Variants in ADGRG6 observed in about 807,000 individuals in gnomAD.
The protein encoded by ADGRG6 is adhesion G protein-coupled receptor G6, also known as G-protein coupled receptor 126.
Under a neutral mutation model 142.4 loss-of-function variants are expected in ADGRG6, and 84 were observed. The ratio of observed to expected loss-of-function variants is 0.59; its 90% CI spans 0.49 to 0.71. The LOEUF is 0.71. Ranked by LOEUF, ADGRG6 falls within the 30% of genes least tolerant of loss-of-function variation. The pLI, the probability that ADGRG6 is intolerant of heterozygous loss-of-function variation, is 0.00. For missense variants in ADGRG6, 1,367 were observed against 1,466.6 expected, an observed-to-expected ratio of 0.93 and a Z score of 1.11; for synonymous variants, 521 against 520.5, an observed-to-expected ratio of 1.00 and a Z score of -0.01.
intron 4 of ADGRG6, among the ~76,000 whole-genome samples, chr6:142,373,175 A>C (rs1313714961): frequency 6.6e-6 from 1 of 152,168 alleles, no homozygotes; most frequent in Admixed American, 6.5e-5. Context: ...TGGAGCTTGG[A>C]AAGTTTGGTA....
At chr6:142,414,895 A>C in intron 18 of ADGRG6, 74 bp from the exon 19 acceptor site, 2 of 1,341,692 alleles carry the variant, frequency 1.5e-6, no homozygotes, top group Non-Finnish European at 2.0e-6. Flanking sequence ...GTTAACAGTG[A>C]ACTTTCTAGT....
chr6:142,373,843 A>C (rs1781366424), intron 4 of ADGRG6, among the ~76,000 whole-genome samples: 1 of 148,766 alleles, frequency 6.7e-6, no homozygotes, highest in Admixed American at 6.7e-5. Context: ...TGTGCCCAGC[A>C]CACATGTTTT....
intron 2 of ADGRG6, among the ~76,000 whole-genome samples, chr6:142,354,457 C>T (rs891379438): frequency 6.6e-6 from 1 of 152,150 alleles, no homozygotes; most frequent in Non-Finnish European, 1.5e-5. Context: ...TTGTCAGTTA[C>T]ACATTATTAA....
chr6:142,435,870 T>C lies in ADGRG6; in HGVS notation c.3320-1564T>C, dbSNP rs1321887288. ...GTTGCTGAGGGCCTCTCTGAGGAGT[T>C]AACAGTTGGTCTGAGACCAGAATGA... On this transcript the variant is annotated intron_variant, in intron 22 of 24. Coordinates refer to ENST00000367609, the MANE Select transcript of ADGRG6 (RefSeq NM_198569.3). 2.6e-5 allele frequency among the ~76,000 whole-genome samples: 4 copies of C among 152,324 alleles called. No individual in the cohort carries two copies. In the East Asian group the frequency reaches 7.7e-4, roughly 29 times the overall value.
At chr6:142,378,627 T>G (rs1429208703) in intron 4 of ADGRG6, among the ~76,000 whole-genome samples, 1 of 152,184 alleles carries the variant, frequency 6.6e-6, no homozygotes, top group Non-Finnish European at 1.5e-5. Context: ...TTTGCTTAAG[T>G]TTTCAATCTT....
intron 2 of ADGRG6, among the ~76,000 whole-genome samples, chr6:142,349,415 G>A (rs532627476): frequency 2.0e-5 from 3 of 152,306 alleles, no homozygotes; most frequent in African/African-American, 7.2e-5. Flanking sequence ...CCACATAGTT[G>A]CTTAGACTGG....
At chr6:142,387,589 G>A (rs538346099) in intron 6 of ADGRG6, among the ~76,000 whole-genome samples, 96 of 152,244 alleles carry the variant, frequency 6.3e-4, no homozygotes, top group Admixed American at 1.8e-3. Context: ...GTCTAGATTA[G>A]CATTTGGTTT....
chr6:142,381,774 C>CT (rs1025582588), intron 4 of ADGRG6, among the ~76,000 whole-genome samples, 177 bp from the exon 5 acceptor site: 1 of 152,124 alleles, frequency 6.6e-6, no homozygotes, highest in African/African-American at 2.4e-5. Flanking sequence ...AATATCAATA[C>CT]TTTGGTTTTA....
intron 2 of ADGRG6, among the ~76,000 whole-genome samples, chr6:142,355,993 G>A (rs1022353085): frequency 2.0e-5 from 3 of 152,320 alleles, no homozygotes; most frequent in East Asian, 1.9e-4. Flanking sequence ...AAGATAGGAA[G>A]TTGAGTGAGC....
At chr6:142,437,893 T>TA (rs34175866) in intron 23 of ADGRG6, among the ~76,000 whole-genome samples, 61,071 of 140,354 alleles carry the variant, frequency 0.44, 15,529 homozygotes, top group African/African-American at 0.74. Context: ...TTCTCAGTAT[T>TA]AAAAAAAAAA....
Position 142,370,209 on chromosome 6 carries a change from A to G in ADGRG6, c.485A>G (p.Gln162Arg). The G allele has an allele frequency of 6.2e-7, 1 of 1,606,350 alleles. No homozygotes were observed. Among genetic ancestry groups the G allele is most frequent in the South Asian group, 1.1e-5 (1 of 90,848 alleles). ...AGGAATCAAAAGGTCATTTTACCCC[A>G]GACATCAGATGCTTACCAGGTATCT... ...SLRNQKVILP[Q>R]TSDAYQVSVA... is the part of the protein sequence containing the mutation. Residue 162 changes from glutamine to arginine, a missense_variant, in exon 4 of 25, where the codon CAG (glutamine) becomes CGG (arginine). Gln to Arg is a conservative substitution (Grantham distance 43, BLOSUM62 1). Transcript: ENST00000367609.
At chr6:142,392,821 T>G in intron 7 of ADGRG6, 127 bp from the exon 8 acceptor site, 1 of 649,390 alleles carries the variant, frequency 1.5e-6, no homozygotes, top group East Asian at 2.7e-5. Context: ...AACTGTTCAC[T>G]CCTCCAACTC....
intron 2 of ADGRG6, among the ~76,000 whole-genome samples, chr6:142,323,231 C>A (rs1253125847): frequency 2.6e-5 from 4 of 151,554 alleles, no homozygotes; most frequent in Admixed American, 1.3e-4. Context: ...AGATGGCTTG[C>A]GGGTTATACA....
chr6:142,438,434 G>T, intron 24 of ADGRG6, 70 bp downstream of exon 24: 2 of 1,050,324 alleles, frequency 1.9e-6, no homozygotes, highest in Non-Finnish European at 2.7e-6. Flanking sequence ...ATATCATGAA[G>T]ATTGATAAAT....
chr6:142,377,251 A>G (rs1229728786), intron 4 of ADGRG6, among the ~76,000 whole-genome samples: 2 of 152,234 alleles, frequency 1.3e-5, no homozygotes, highest in Admixed American at 1.3e-4. Flanking sequence ...AAACAAAACA[A>G]AAAACAACAA....
At position 142,318,180 on chromosome 6, in the gene ADGRG6, T is replaced by A. The variant is rs868631074; in HGVS notation, c.103+8536T>A. 9.2e-3 allele frequency among the ~76,000 whole-genome samples: 48 copies of A among 5,216 alleles called. 2 individuals are homozygous for A. Among genetic ancestry groups the A allele is most frequent in the South Asian group, 0.032 (8 of 248 alleles). The allele number at this position is 5,216 out of a possible 152,430, so 3.4% of individuals were successfully genotyped here. A position where few individuals can be genotyped will look rare whatever the true frequency, so the allele number is the denominator to read the frequency against. ...ATTATATATATTATATATTTATATA[T>A]TATATATTATATATTTATATTATAT... On this transcript the variant is annotated intron_variant, in intron 2 of 24. Coordinates refer to ENST00000367609, the MANE Select transcript of ADGRG6 (RefSeq NM_198569.3).
intron 18 of ADGRG6, 100 bp from the exon 19 acceptor site, chr6:142,414,869 A>G (rs1776277954): frequency 1.2e-6 from 1 of 848,020 alleles, no homozygotes; most frequent in Non-Finnish European, 1.7e-6. Flanking sequence ...AGCCCCTGAG[A>G]GTAAGCTGCT....
intron 2 of ADGRG6, among the ~76,000 whole-genome samples, chr6:142,329,283 T>C (rs745998320): frequency 1.3e-5 from 2 of 152,144 alleles, no homozygotes; most frequent in Non-Finnish European, 2.9e-5. Flanking sequence ...TTGGGAGAGT[T>C]TCTGGGGTAA....
chr6:142,318,231 A>G (rs1269875136), intron 2 of ADGRG6, among the ~76,000 whole-genome samples: 2 of 64,250 alleles, frequency 3.1e-5, no homozygotes, highest in Non-Finnish European at 5.5e-5. Context: ...ATATATTTAT[A>G]TTATATATAT....
Sources: gnomAD v4.1 joint callset for allele counts (sites outside exome capture counted in the v4.1 genomes callset) on GRCh38, gnomAD v4.1.1 for gene constraint, MANE v1.5 for transcripts, NCBI Gene and HGNC (gene_info 2026-07-23, HGNC 2026-07-21) for gene names.